The following GRAMD1B variants were observed in gnomAD, a reference collection of about 807,000 sequenced individuals.
The protein encoded by GRAMD1B is protein Aster-B.
A neutral mutation model predicts 99.7 loss-of-function variants in GRAMD1B; 37 were observed. The observed-to-expected ratio is 0.37, with a 90% CI of 0.29 to 0.49. GRAMD1B has a LOEUF of 0.49. GRAMD1B is among the 20% of genes least tolerant of loss of function. The pLI is 0.98. For synonymous variants in GRAMD1B, 427 were observed against 387.6 expected (o/e 1.10, Z -1.19); for missense variants, 888 against 1,009.2 (o/e 0.88, Z 1.63).
At chr11:123,468,472 C>T (rs750108382) in intron 1 of GRAMD1B, among the ~76,000 whole-genome samples, 8 of 152,050 alleles carry the variant, frequency 5.3e-5, no homozygotes, top group Non-Finnish European at 1.2e-4. Flanking sequence ...ATCGCTGCAT[C>T]CCAAGGAGTA....
chr11:123,588,185 T>C (rs1423735489), intron 4 of GRAMD1B, among the ~76,000 whole-genome samples: 1 of 152,146 alleles, frequency 6.6e-6, no homozygotes, highest in Non-Finnish European at 1.5e-5. Context: ...CTGAGATCAA[T>C]GCCCCACCGA....
chr11:123,552,853 T>C (rs1422060463), intron 2 of GRAMD1B, among the ~76,000 whole-genome samples: 1 of 152,188 alleles, frequency 6.6e-6, no homozygotes, highest in Non-Finnish European at 1.5e-5. Context: ...CAATACCTTC[T>C]CAATGAGTGT....
intron 1 of GRAMD1B, among the ~76,000 whole-genome samples, chr11:123,462,750 G>A (rs1950483836): frequency 6.6e-6 from 1 of 151,848 alleles, no homozygotes; most frequent in Non-Finnish European, 1.5e-5. Context: ...ACTGCGGAAG[G>A]CCGCAGGGTC....
chr11:123,385,422 A>G (rs1947022935), intron 1 of GRAMD1B, among the ~76,000 whole-genome samples: 1 of 152,186 alleles, frequency 6.6e-6, no homozygotes, highest in Admixed American at 6.5e-5. Flanking sequence ...CTTACCGAAT[A>G]CTGTGTAAAT....
At chr11:123,600,687 A>T (rs1951837099) in intron 8 of GRAMD1B, 139 bp downstream of exon 8, 1 of 573,306 alleles carries the variant, frequency 1.7e-6, no homozygotes. Context: ...AGTAGCATAT[A>T]ATCTCCCACG....
chr11:123,439,684 A>C (rs1280718345), intron 1 of GRAMD1B, among the ~76,000 whole-genome samples: 1 of 152,202 alleles, frequency 6.6e-6, no homozygotes, highest in African/African-American at 2.4e-5. Context: ...TCACGGAGGC[A>C]GTGCAGGGTC....
chr11:123,616,161 AAAATAC>A (rs1441386110), intron 17 of GRAMD1B, among the ~76,000 whole-genome samples: 1 of 152,106 alleles, frequency 6.6e-6, no homozygotes, highest in African/African-American at 2.4e-5. Context: ...GTCTCTACTA[AAAATAC>A]AAATATTAGC....
chr11:123,414,594 T>C (rs181238087), intron 1 of GRAMD1B, among the ~76,000 whole-genome samples: 125 of 152,266 alleles, frequency 8.2e-4, no homozygotes, highest in Non-Finnish European at 1.5e-3. Flanking sequence ...GTCATCCCTA[T>C]CCCCCTTGTC....
At position 123,624,618 on chromosome 11, in the gene GRAMD1B, C is replaced by G. The variant is rs1349522413; in HGVS notation, c.*2023C>G. ...ACTGGTAGGGATCAAGGCTCATGGG[C>G]TCTGAGCCAAAGAAGGAGGCATGGT... On this transcript the variant is annotated 3_prime_UTR_variant, in exon 20 of 20. Coordinates refer to ENST00000635736, the MANE Select transcript of GRAMD1B (RefSeq NM_001387025.1). The G allele has an allele frequency of 1.3e-5, 2 of 152,186 alleles. No individual in the cohort carries two copies. Among genetic ancestry groups the G allele is most frequent in the Non-Finnish European group, 2.9e-5 (2 of 68,030 alleles). The allele number at this position is 152,186 out of a possible 1,614,324, so 9.4% of individuals were successfully genotyped here.
chr11:123,419,744 T>TGAGAAA (rs1452987134), intron 1 of GRAMD1B, among the ~76,000 whole-genome samples: 5 of 87,292 alleles, frequency 5.7e-5, no homozygotes, highest in African/African-American at 2.7e-4. Context: ...TGTGTGTGTG[T>TGAGAAA]GTGAATGAGA....
chr11:123,430,703 C>T lies in GRAMD1B; in HGVS notation c.-90C>T, dbSNP rs979596740. On this transcript the variant is annotated 5_prime_UTR_variant, in exon 1 of 20. Coordinates refer to ENST00000635736, the MANE Select transcript of GRAMD1B (RefSeq NM_001387025.1). ...TCGGCCCCAGGATTGGGGAGTGTGCCGCGGGGCCGAGGGTGGGGAACAGCC... is the reference window on the plus strand; with the variant it reads ...TCGGCCCCAGGATTGGGGAGTGTGCTGCGGGGCCGAGGGTGGGGAACAGCC... The T allele has an allele frequency of 1.5e-5, 9 of 584,834 alleles. No individual in the cohort carries two copies. In the African/African-American group the frequency reaches 1.6e-4, roughly 10 times the overall value. The allele number at this position is 584,834 out of a possible 1,614,324, so 36.2% of individuals were successfully genotyped here. A position where few individuals can be genotyped will look rare whatever the true frequency, so the allele number is the denominator to read the frequency against.
intron 8 of GRAMD1B, among the ~76,000 whole-genome samples, chr11:123,601,472 G>A (rs983428458): frequency 7.9e-5 from 12 of 151,506 alleles, no homozygotes; most frequent in Non-Finnish European, 1.6e-4. Flanking sequence ...AGGAGAAAAC[G>A]CACCGACACA....
chr11:123,503,071 G>A lies in GRAMD1B; in HGVS notation c.452+22178G>A, dbSNP rs28386470. On this transcript the variant is annotated intron_variant, in intron 2 of 19. Transcript: ENST00000635736. The stretch of plus-strand genomic sequence containing the variant: ...GATCAAAATTCAAAATGCGAAGGAT[G>A]GCCCATCAGAAGTCAGGGATTGTTT... Among the ~76,000 whole-genome samples the A allele has an allele frequency of 9.2e-3, 1,407 of 152,290 alleles. 29 individuals are homozygous for A. The highest frequency in any genetic ancestry group is 0.025 in the African/African-American group (1,034 of 41,568).
At chr11:123,606,514 TATGAGAGCTGCCAAGG>T in intron 10 of GRAMD1B, 79 bp from the exon 11 acceptor site, 2 of 1,096,830 alleles carry the variant, frequency 1.8e-6, no homozygotes, top group Non-Finnish European at 2.6e-6. Flanking sequence ...GAGCTGGGAG[TATGAGAGCTGCCAAGG>T]CTGCATCCCT....
At chr11:123,609,512 C>T (rs765295582) in intron 12 of GRAMD1B, among the ~76,000 whole-genome samples, 3 of 152,206 alleles carry the variant, frequency 2.0e-5, no homozygotes, top group African/African-American at 7.2e-5. Context: ...CCAGTGTTGC[C>T]AGCACCCCCG....
intron 8 of GRAMD1B, among the ~76,000 whole-genome samples, chr11:123,602,492 G>A (rs367972167): frequency 9.2e-5 from 14 of 152,036 alleles, no homozygotes; most frequent in African/African-American, 3.4e-4. Context: ...GAAGTCTATC[G>A]GTGCAAACAT....
intron 3 of GRAMD1B, chr11:123,578,347 G>T: frequency 7.4e-7 from 1 of 1,355,290 alleles, no homozygotes; most frequent in Non-Finnish European, 1.0e-6. Context: ...TTGATTTCTT[G>T]TTCTTCCTCT....
At chr11:123,396,563 A>T (rs1360128878) in intron 1 of GRAMD1B, among the ~76,000 whole-genome samples, 2 of 152,184 alleles carry the variant, frequency 1.3e-5, no homozygotes, top group Admixed American at 1.3e-4. Flanking sequence ...GGCATGAGCC[A>T]CCACTCCCAG....
chr11:123,365,536 A>G (rs12225861), intron 1 of GRAMD1B, among the ~76,000 whole-genome samples: 59,257 of 152,106 alleles, frequency 0.39, 17,777 homozygotes, highest in African/African-American at 0.84. Context: ...ACAGGCATGG[A>G]TCACCATGCC....
Sources: gnomAD v4.1 joint callset for allele counts (sites outside exome capture counted in the v4.1 genomes callset) on GRCh38, gnomAD v4.1.1 for gene constraint, MANE v1.5 for transcripts, NCBI Gene and HGNC (gene_info 2026-07-23, HGNC 2026-07-21) for gene names.